Variants in ROS1 observed in about 807,000 individuals in gnomAD.
ROS1 encodes ROS proto-oncogene 1, receptor tyrosine kinase, also known as proto-oncogene tyrosine-protein kinase ROS.
ROS1 carries 263 observed loss-of-function variants against 273.5 expected under a neutral mutation model. The observed-to-expected ratio is 0.96, with a 90% CI of 0.87 to 1.06. ROS1 has a LOEUF of 1.06. Ranked by LOEUF, ROS1 falls within the 50% of genes least tolerant of loss-of-function variation. ROS1 has a pLI of 0.00. For missense variants in ROS1, 2,833 were observed against 2,751.1 expected (o/e 1.03, Z -0.67); for synonymous variants, 1,008 against 954.1 (o/e 1.06, Z -1.04).
intron 3 of ROS1, among the ~76,000 whole-genome samples, chr6:117,414,939 C>T (rs533314746): frequency 3.0e-4 from 45 of 152,332 alleles, no homozygotes; most frequent in African/African-American, 1.0e-3. Flanking sequence ...CCATGCTGGC[C>T]ACTGCAGCAG....
intron 39 of ROS1, 129 bp downstream of exon 39, chr6:117,317,014 C>T: frequency 1.0e-6 from 1 of 982,270 alleles, no homozygotes; most frequent in Non-Finnish European, 1.4e-6. Flanking sequence ...GTGAAGGAAA[C>T]AGAATAATTC....
chr6:117,408,884 A>G (rs2128733576), intron 5 of ROS1, among the ~76,000 whole-genome samples: 1 of 152,298 alleles, frequency 6.6e-6, no homozygotes, highest in South Asian at 2.1e-4. Context: ...CTGTGCAGCC[A>G]TAAAAAATGA....
chr6:117,336,046 A>G (rs1777436959), intron 32 of ROS1, among the ~76,000 whole-genome samples: 1 of 152,124 alleles, frequency 6.6e-6, no homozygotes, highest in Non-Finnish European at 1.5e-5. Flanking sequence ...TTAGTGATGG[A>G]TTTGATGAAT....
Position 117,379,177 on chromosome 6 carries a change from T to C in ROS1, c.2482-18A>G, listed in dbSNP as rs770576895. 2.1e-5 allele frequency: 31 copies of C among 1,505,244 alleles called. No individual in the cohort carries two copies. In the African/African-American group the frequency reaches 3.4e-4, roughly 17 times the overall value. The allele number at this position is 1,505,244 out of a possible 1,614,324, so 93.2% of individuals were successfully genotyped here. A position where few individuals can be genotyped will look rare whatever the true frequency, so the allele number is the denominator to read the frequency against. The stretch of plus-strand genomic sequence containing the variant: ...GCAATTACCTAAGTAGAAAGTAAGG[T>C]AAGAAAATAAACCAAATACATGTTT... On this transcript the variant is annotated intron_variant, in intron 17 of 43. Coordinates refer to ENST00000368507, the MANE Select transcript of ROS1 (RefSeq NM_001378902.1).
chr6:117,354,038 A>C (rs2128639465), intron 26 of ROS1, among the ~76,000 whole-genome samples: 1 of 152,316 alleles, frequency 6.6e-6, no homozygotes, highest in African/African-American at 2.4e-5. Flanking sequence ...AATTGAAGAT[A>C]CTTGAATTTT....
At chr6:117,332,166 C>CAA (rs199863437) in intron 32 of ROS1, among the ~76,000 whole-genome samples, 3 of 80,944 alleles carry the variant, frequency 3.7e-5, no homozygotes, top group Non-Finnish European at 5.3e-5. Context: ...ATATGGAAAG[C>CAA]AAAAAAAAAA....
intron 4 of ROS1, among the ~76,000 whole-genome samples, chr6:117,412,610 AG>A (rs1775007514): frequency 3.0e-5 from 1 of 33,878 alleles, no homozygotes; most frequent in South Asian, 1.8e-3. Context: ...ATAGACAGAT[AG>A]ATAGATAGAT....
rs1562308913 is a variant in ROS1, at chr6:117,356,673, T to C, written c.4082A>G (p.Glu1361Gly). 6.2e-7 allele frequency: 1 copy of C among 1,614,154 alleles called. No homozygotes were observed. The highest frequency in any genetic ancestry group is 1.7e-5 in the Admixed American group (1 of 60,014). ...KAQEIWAMDL[E>G]GCQCWRVITV... ...GATAACTCTCCAACACTGACAGCCT[T>C]CCAGATCCATTGCCCAGATCTCTTG... The change falls in exon 26 of 44, where the codon GAA becomes GGA. Residue 1361 changes from glutamate (E) to glycine (G), a missense_variant. Coordinates refer to ENST00000368507, the MANE Select transcript of ROS1 (RefSeq NM_001378902.1).
At chr6:117,409,479 G>A (rs1240261540) in intron 5 of ROS1, 103 bp downstream of exon 5, 2 of 805,924 alleles carry the variant, frequency 2.5e-6, no homozygotes, top group East Asian at 2.5e-5. Flanking sequence ...ATATTGAGAT[G>A]CAGAAATCAA....
chr6:117,299,315 T>C (rs988209659), intron 43 of ROS1: 1 of 152,222 alleles, frequency 6.6e-6, no homozygotes, highest in African/African-American at 2.4e-5. Context: ...TCCATGGGCT[T>C]CTTGTTTTTA....
rs746741021 is a variant in ROS1 at position 117,356,673 on chromosome 6, TCCAGATCCATTGC to T, written c.4069_4081del (p.Ala1357LysfsTer22). 5.6e-5 allele frequency: 91 copies of T among 1,614,154 alleles called. 3 individuals carry two copies. In the South Asian group the frequency reaches 9.0e-4, roughly 16 times the overall value. On this transcript the variant is annotated frameshift_variant, in exon 26 of 44. Coordinates refer to ENST00000368507, the MANE Select transcript of ROS1 (RefSeq NM_001378902.1). LOFTEE classifies it high-confidence loss of function. ...GATAACTCTCCAACACTGACAGCCTTCCAGATCCATTGCCCAGATCTCTTGTGCTTTGGCAAAG... is the reference window on the plus strand; with the variant it reads ...GATAACTCTCCAACACTGACAGCCTTCCAGATCTCTTGTGCTTTGGCAAAG...
chr6:117,329,645 C>G lies in ROS1; in HGVS notation c.5231-199G>C, dbSNP rs561786835. Among the ~76,000 whole-genome samples the G allele has an allele frequency of 8.5e-5, 13 of 152,188 alleles. No individual in the cohort carries two copies. In the East Asian group the frequency reaches 1.9e-3, roughly 23 times the overall value. ...CCATAATAAGTGTGTGAGTCCTTCA[C>G]CGGCAAGGTATCTAGATTCGCTCAT... On this transcript the variant is annotated intron_variant, in intron 32 of 43. Transcript: ENST00000368507.
At chr6:117,296,007 GA>G (rs1443755732) in intron 43 of ROS1, among the ~76,000 whole-genome samples, 1 of 152,128 alleles carries the variant, frequency 6.6e-6, no homozygotes, top group Non-Finnish European at 1.5e-5. Flanking sequence ...CAAAAGAAAG[GA>G]AATCAGTACA....
chr6:117,405,248 T>G (rs1435197946), intron 5 of ROS1, among the ~76,000 whole-genome samples: 1 of 152,076 alleles, frequency 6.6e-6, no homozygotes, highest in African/African-American at 2.4e-5. Context: ...TTGACGCAAT[T>G]CTCATCATTA....
chr6:117,390,659 T>G (rs1772993190), intron 12 of ROS1, among the ~76,000 whole-genome samples: 2 of 152,180 alleles, frequency 1.3e-5, no homozygotes, highest in Admixed American at 1.3e-4. Context: ...ACTTTGCATT[T>G]GCAGTGGACT....
intron 1 of ROS1, among the ~76,000 whole-genome samples, chr6:117,422,772 C>G (rs1219135145): frequency 6.6e-6 from 1 of 152,038 alleles, no homozygotes; most frequent in Non-Finnish European, 1.5e-5. Context: ...TTGTAACAGC[C>G]TTTAACTGTC....
At chr6:117,316,954 C>T (rs1418897848) in intron 39 of ROS1, among the ~76,000 whole-genome samples, 189 bp downstream of exon 39, 1 of 151,970 alleles carries the variant, frequency 6.6e-6, no homozygotes, top group South Asian at 2.1e-4. Flanking sequence ...GCTCACATGA[C>T]CAGAAAGTGC....
chr6:117,386,968 T>C lies in ROS1; in HGVS notation c.2031A>G (p.Lys677=). 2 of 1,612,488 alleles carry C rather than the reference T, an allele frequency of 1.2e-6. No homozygotes were observed. Among genetic ancestry groups the C allele is most frequent in the Non-Finnish European group, 1.7e-6 (2 of 1,178,794 alleles). ...ASEPPFIMAV[K]EDGLWSKPLN... ...ATGGTTTACTCCAAAGCCCATCTTC[T>C]TTCACAGCCATGATAAATGGTGGTT... The change falls in exon 15 of 44, where the codon AAA becomes AAG. Residue 677 remains lysine, a synonymous_variant. Coordinates refer to ENST00000368507, the MANE Select transcript of ROS1 (RefSeq NM_001378902.1).
Position 117,336,148 on chromosome 6 carries a change from C to A in ROS1, c.5230+1024G>T, listed in dbSNP as rs116610807. ...CTATCATAAGTTTTGGAGCATTTTC[C>A]CTCCATTCTTTTTTTCAAATTTTTT... On this transcript the variant is annotated intron_variant, in intron 32 of 43. Coordinates refer to ENST00000368507, the MANE Select transcript of ROS1 (RefSeq NM_001378902.1). 2.3e-3 allele frequency among the ~76,000 whole-genome samples: 348 copies of A among 151,402 alleles called. 1 individual carries two copies. Among genetic ancestry groups the A allele is most frequent in the African/African-American group, 8.1e-3 (333 of 41,240 alleles).
Sources: allele counts gnomAD v4.1 joint callset (sites outside exome capture counted in the v4.1 genomes callset), GRCh38; gene constraint gnomAD v4.1.1; transcripts MANE v1.5; gene names NCBI Gene and HGNC (gene_info 2026-07-23, HGNC 2026-07-21).